CMIP: variants seen among roughly 807,000 people sequenced by gnomAD.
The protein encoded by CMIP is c-Maf inducing protein, also known as C-Maf-inducing protein.
CMIP carries 13 observed loss-of-function variants against 97.3 expected under a neutral mutation model. The observed-to-expected ratio is 0.13, with a 90% CI of 0.09 to 0.21. The LOEUF is 0.21. Ranked by LOEUF, CMIP falls within the 10% of genes least tolerant of loss-of-function variation. The pLI, the probability that CMIP is intolerant of heterozygous loss-of-function variation, is 1.00. For missense variants in CMIP, 847 were observed against 1,024.9 expected (o/e 0.83, Z 2.37); for synonymous variants, 538 against 436.3 (o/e 1.23, Z -2.91).
intron 1 of CMIP, among the ~76,000 whole-genome samples, chr16:81,511,628 G>T (rs1426034728): frequency 6.6e-6 from 1 of 152,106 alleles, no homozygotes. Flanking sequence ...TTGCATGATC[G>T]TGGCTCACTG....
intron 1 of CMIP, among the ~76,000 whole-genome samples, chr16:81,549,662 G>C (rs920622012): frequency 6.6e-6 from 1 of 152,162 alleles, no homozygotes; most frequent in African/African-American, 2.4e-5. Context: ...CATTCATGAT[G>C]AAATCGCCCC....
intron 3 of CMIP, chr16:81,631,722 G>A (rs1254128763): frequency 6.6e-6 from 1 of 152,284 alleles, no homozygotes; most frequent in African/African-American, 2.4e-5. Context: ...TGTTCATTCT[G>A]TGGATAGGTC....
rs920769926 is a variant in CMIP at position 81,453,851 on chromosome 16, T to G, written c.300+8310T>G. On this transcript the variant is annotated intron_variant, in intron 1 of 20. Coordinates refer to ENST00000537098, the MANE Select transcript of CMIP (RefSeq NM_198390.3). This position sits in a 1 kb window ranked among gnomAD's most constrained non-coding sequence, Gnocchi z 4.0. ...GCACCACAGCCAAGCCGTTTGTAGA[T>G]CTGGCCGCTTGGTTGGCTAGAACTC... is the stretch of plus-strand genomic sequence containing the variant. Among the ~76,000 whole-genome samples, 7 of 152,116 alleles carry G rather than the reference T, an allele frequency of 4.6e-5. No homozygotes were observed. The highest frequency in any genetic ancestry group is 7.4e-5 in the Non-Finnish European group (5 of 68,010).
intron 1 of CMIP, among the ~76,000 whole-genome samples, chr16:81,556,105 A>G (rs1161052040): frequency 6.6e-6 from 1 of 152,134 alleles, no homozygotes; most frequent in Non-Finnish European, 1.5e-5. Flanking sequence ...TTGTTCTCTC[A>G]GAGTTTCTGA....
rs1194888024 is a variant in CMIP at position 81,521,877 on chromosome 16, G to A, written c.300+76336G>A. Among the ~76,000 whole-genome samples, 5 of 152,140 alleles carry A rather than the reference G, an allele frequency of 3.3e-5. No homozygotes were observed. The South Asian group carries it at 6.2e-4, about 19-fold the overall frequency. ...TCCTGAGTGTTCCCTTGTCTTTTTG[G>A]TATCCTATATCTTACAGATAGAATT... On this transcript the variant is annotated intron_variant, in intron 1 of 20. Coordinates refer to ENST00000537098, the MANE Select transcript of CMIP (RefSeq NM_198390.3).
chr16:81,701,478 T>A (rs1231164871), intron 15 of CMIP, among the ~76,000 whole-genome samples, 182 bp from the exon 16 acceptor site: 1 of 152,222 alleles, frequency 6.6e-6, no homozygotes, highest in Non-Finnish European at 1.5e-5. Context: ...GCGTGGTCAC[T>A]GGTGCTACCA....
At chr16:81,471,113 A>G (rs772558790) in intron 1 of CMIP, among the ~76,000 whole-genome samples, 1 of 152,252 alleles carries the variant, frequency 6.6e-6, no homozygotes, top group Non-Finnish European at 1.5e-5. Context: ...GCATGTAGAC[A>G]TACTTGTGCA....
At chr16:81,486,290 A>G (rs2089312834) in intron 1 of CMIP, among the ~76,000 whole-genome samples, 1 of 151,880 alleles carries the variant, frequency 6.6e-6, no homozygotes, top group African/African-American at 2.4e-5. Flanking sequence ...AAACATGCGC[A>G]CTCTGTGTTC....
chr16:81,645,377 A>G, intron 3 of CMIP: 1 of 1,455,250 alleles, frequency 6.9e-7, no homozygotes, highest in South Asian at 1.4e-5. Flanking sequence ...CGCGAGCCCC[A>G]GAGGCTGCGG....
intron 1 of CMIP, among the ~76,000 whole-genome samples, chr16:81,458,672 G>A (rs929357635): frequency 2.0e-5 from 3 of 152,160 alleles, no homozygotes; most frequent in African/African-American, 7.2e-5. Flanking sequence ...GCCCAGGTCA[G>A]TCCTTCCCTA....
At chr16:81,578,682 G>T (rs1227682828) in intron 1 of CMIP, among the ~76,000 whole-genome samples, 2 of 152,308 alleles carry the variant, frequency 1.3e-5, no homozygotes, top group South Asian at 2.1e-4. Context: ...AGACATTTTG[G>T]TTTTTTGCAC....
At position 81,627,720 on chromosome 16, in the gene CMIP, T is replaced by G. The variant is rs903655257; in HGVS notation, c.477+6794T>G. Among the ~76,000 whole-genome samples, 1 of 151,974 alleles carries G rather than the reference T, an allele frequency of 6.6e-6. No individual in the cohort carries two copies. Among genetic ancestry groups the G allele is most frequent in the Admixed American group, 6.5e-5 (1 of 15,268 alleles). ...TAGCAGAGGGGACTGAGCGTCCAAG[T>G]GGATAAAGGATGAGGATAAAGGACC... On this transcript the variant is annotated intron_variant, in intron 3 of 20. Transcript: ENST00000537098. The surrounding 1 kb of genome is among the most constrained non-coding windows in gnomAD (Gnocchi z 4.6).
intron 3 of CMIP, among the ~76,000 whole-genome samples, chr16:81,642,320 C>T (rs1199957438): frequency 6.6e-6 from 1 of 152,168 alleles, no homozygotes; most frequent in Non-Finnish European, 1.5e-5. Flanking sequence ...ACTCCCTGCC[C>T]CTCCATAGAG....
intron 7 of CMIP, among the ~76,000 whole-genome samples, chr16:81,667,683 A>T (rs2092618653): frequency 6.7e-6 from 1 of 149,992 alleles, no homozygotes; most frequent in South Asian, 2.2e-4. Context: ...CCAGAGACAG[A>T]CGTGGCAGCC....
At chr16:81,449,507 A>T (rs76322515) in intron 1 of CMIP, among the ~76,000 whole-genome samples, 1 of 152,152 alleles carries the variant, frequency 6.6e-6, no homozygotes, top group African/African-American at 2.4e-5. Flanking sequence ...ATTAAAATCT[A>T]TGTCCTCCAG....
chr16:81,495,644 C>T lies in CMIP; in HGVS notation c.300+50103C>T, dbSNP rs2089476738. On this transcript the variant is annotated intron_variant, in intron 1 of 20. Transcript: ENST00000537098. ...TCTGCTAATCTGAGAGACCCCAGGC[C>T]CCTTCTCTTTTTATGTTTGTGGGAG... is the stretch of plus-strand genomic sequence containing the variant. 6.6e-6 allele frequency: 5 copies of T among 760,944 alleles called. 1 individual carries two copies. Among genetic ancestry groups the T allele is most frequent in the East Asian group, 5.5e-5 (2 of 36,104 alleles). The allele number at this position is 760,944 out of a possible 1,614,324, so 47.1% of individuals were successfully genotyped here. A position where few individuals can be genotyped will look rare whatever the true frequency, so the allele number is the denominator to read the frequency against.
At chr16:81,547,829 G>A (rs1473166955) in intron 1 of CMIP, among the ~76,000 whole-genome samples, 2 of 152,316 alleles carry the variant, frequency 1.3e-5, no homozygotes, top group Non-Finnish European at 1.5e-5. Context: ...TGGACACTGG[G>A]ACCCTTGGCC....
intron 5 of CMIP, among the ~76,000 whole-genome samples, chr16:81,659,048 C>T (rs377353259): frequency 1.3e-5 from 2 of 152,236 alleles, no homozygotes; most frequent in Admixed American, 1.3e-4. Flanking sequence ...TGTTTGCTAA[C>T]GCTAACAGTA....
chr16:81,627,532 C>G lies in CMIP; in HGVS notation c.477+6606C>G, dbSNP rs1310474000. 7.6e-5 allele frequency among the ~76,000 whole-genome samples: 11 copies of G among 143,810 alleles called. No homozygotes were observed. Among genetic ancestry groups the G allele is most frequent in the Non-Finnish European group, 7.7e-5 (5 of 65,190 alleles). The allele number at this position is 143,810 out of a possible 152,430, so 94.3% of individuals were successfully genotyped here. A position where few individuals can be genotyped will look rare whatever the true frequency, so the allele number is the denominator to read the frequency against. On this transcript the variant is annotated intron_variant, in intron 3 of 20. Transcript: ENST00000537098. The surrounding 1 kb of genome is among the most constrained non-coding windows in gnomAD (Gnocchi z 4.6). ...TTCCAGCCTCCACAGGTGGTCCCGGCTGACTCATGGCCTGGGAGGGCTAGG... is the reference window on the plus strand; with the variant it reads ...TTCCAGCCTCCACAGGTGGTCCCGGGTGACTCATGGCCTGGGAGGGCTAGG...
Sources: gnomAD v4.1 joint callset for allele counts (sites outside exome capture counted in the v4.1 genomes callset) on GRCh38, gnomAD v4.1.1 for gene constraint, Gnocchi (gnomAD v3.1) non-coding constraint, MANE v1.5 for transcripts, NCBI Gene and HGNC (gene_info 2026-07-23, HGNC 2026-07-21) for gene names.